Variants in TRAPPC8 observed in about 807,000 individuals in gnomAD.
TRAPPC8 encodes general sporulation gene 1 homolog.
In TRAPPC8, 54 loss-of-function variants were observed where a neutral mutation model predicts 174.3. The ratio of observed to expected loss-of-function variants is 0.31; its 90% CI spans 0.25 to 0.39. TRAPPC8 has a LOEUF of 0.39. Ranked by LOEUF, TRAPPC8 falls within the 10% of genes least tolerant of loss-of-function variation. The pLI, the probability that TRAPPC8 is intolerant of heterozygous loss-of-function variation, is 1.00. For missense variants in TRAPPC8, 1,531 were observed against 1,699.1 expected, an observed-to-expected ratio of 0.90 and a Z score of 1.74; for synonymous variants, 630 against 579.9, an observed-to-expected ratio of 1.09 and a Z score of -1.24.
At chr18:31,913,060 G>A (rs891801663) in intron 5 of TRAPPC8, among the ~76,000 whole-genome samples, 2 of 151,780 alleles carry the variant, frequency 1.3e-5, no homozygotes, top group African/African-American at 4.8e-5. Flanking sequence ...CCTGAGAGGC[G>A]GAGGTTGCAG....
At chr18:31,834,799 C>T (rs534894295) in intron 27 of TRAPPC8, among the ~76,000 whole-genome samples, 39 of 152,298 alleles carry the variant, frequency 2.6e-4, no homozygotes, top group African/African-American at 9.4e-4. Flanking sequence ...CATACCTCTA[C>T]TGCTCTGTGT....
intron 2 of TRAPPC8, among the ~76,000 whole-genome samples, chr18:31,928,652 C>G (rs1311476824): frequency 6.6e-6 from 1 of 152,166 alleles, no homozygotes; most frequent in Non-Finnish European, 1.5e-5. Flanking sequence ...TGCCACAGCT[C>G]TATTACAATG....
intron 16 of TRAPPC8, among the ~76,000 whole-genome samples, chr18:31,868,964 A>G (rs1019984735): frequency 1.3e-5 from 2 of 151,662 alleles, no homozygotes; most frequent in Admixed American, 6.6e-5. Flanking sequence ...AAAACACTTG[A>G]GCACCAAAAT....
chr18:31,936,426 C>T (rs990964484), intron 1 of TRAPPC8, among the ~76,000 whole-genome samples: 5 of 152,062 alleles, frequency 3.3e-5, no homozygotes. Flanking sequence ...ATCATGCCCC[C>T]TGTATCCAGC....
Position 31,852,439 on chromosome 18 carries a change from T to C in TRAPPC8, c.3561+7A>G, listed in dbSNP as rs2033761222. The C allele has an allele frequency of 6.2e-7, 1 of 1,613,804 alleles. No individual in the cohort carries two copies. Among genetic ancestry groups the C allele is most frequent in the African/African-American group, 1.3e-5 (1 of 74,922 alleles). On this transcript the variant is annotated splice_region_variant and intron_variant, in intron 24 of 28. Transcript: ENST00000283351. Reference sequence around the variant, plus strand: ...AACATCAAACACTACTATGCTTACTTGCATACCTGTTCATTTCCAAAGATG... The same window carrying C: ...AACATCAAACACTACTATGCTTACTCGCATACCTGTTCATTTCCAAAGATG...
chr18:31,833,830 C>A (rs913184722), intron 27 of TRAPPC8, among the ~76,000 whole-genome samples: 1 of 151,654 alleles, frequency 6.6e-6, no homozygotes, highest in South Asian at 2.1e-4. Context: ...GGTGAAACCC[C>A]GTCTTTACTA....
intron 12 of TRAPPC8, among the ~76,000 whole-genome samples, chr18:31,877,436 C>T (rs1427370860): frequency 6.6e-6 from 1 of 151,488 alleles, no homozygotes; most frequent in Non-Finnish European, 1.5e-5. Flanking sequence ...CACGGTGAAA[C>T]CCCGTCTCTA....
At chr18:31,902,273 C>A (rs1038707620) in intron 9 of TRAPPC8, among the ~76,000 whole-genome samples, 2 of 152,166 alleles carry the variant, frequency 1.3e-5, no homozygotes, top group African/African-American at 4.8e-5. Context: ...GGGGGTTGCA[C>A]TGAGCCGAGA....
chr18:31,917,741 C>G (rs2037209887), intron 2 of TRAPPC8, 74 bp from the exon 3 acceptor site: 8 of 1,372,292 alleles, frequency 5.8e-6, no homozygotes, highest in Non-Finnish European at 7.1e-6. Flanking sequence ...ATTTCAAGTC[C>G]ATATTCCTAA....
intron 14 of TRAPPC8, among the ~76,000 whole-genome samples, chr18:31,872,981 GAAGT>G (rs956149532): frequency 1.2e-4 from 17 of 138,702 alleles, no homozygotes; most frequent in African/African-American, 4.2e-4. Context: ...CAGGACAAAA[GAAGT>G]AATAGAGAGC....
chr18:31,914,685 C>T (rs1270115763), intron 4 of TRAPPC8, among the ~76,000 whole-genome samples: 20 of 152,134 alleles, frequency 1.3e-4, no homozygotes, highest in Admixed American at 1.3e-3. Context: ...AACTACATTT[C>T]CTCAGTGGCA....
Position 31,856,999 on chromosome 18 carries a change from G to A in TRAPPC8, c.3188+541C>T, listed in dbSNP as rs1331247007. ...AGGTATCAAAAGAAAATATTCTGTTGAACAAAATATAGGTCATAGATCCTG... is the reference window on the plus strand; with the variant it reads ...AGGTATCAAAAGAAAATATTCTGTTAAACAAAATATAGGTCATAGATCCTG... On this transcript the variant is annotated intron_variant, in intron 20 of 28. Coordinates refer to ENST00000283351, the MANE Select transcript of TRAPPC8 (RefSeq NM_014939.5). Among the ~76,000 whole-genome samples the A allele has an allele frequency of 4.6e-5, 7 of 151,690 alleles. No homozygotes were observed. The East Asian group carries it at 1.4e-3, about 29-fold the overall frequency.
At chr18:31,918,483 G>A (rs1019498286) in intron 2 of TRAPPC8, among the ~76,000 whole-genome samples, 1 of 152,076 alleles carries the variant, frequency 6.6e-6, no homozygotes, top group African/African-American at 2.4e-5. Flanking sequence ...GATATTTTTC[G>A]TTATCAGTTC....
intron 12 of TRAPPC8, among the ~76,000 whole-genome samples, chr18:31,888,095 C>T (rs1220368830): frequency 1.3e-5 from 2 of 152,032 alleles, no homozygotes; most frequent in African/African-American, 4.8e-5. Context: ...AGGCAAAGAA[C>T]ATGAACAGAC....
intron 11 of TRAPPC8, among the ~76,000 whole-genome samples, chr18:31,894,551 C>A (rs552071083): frequency 6.6e-6 from 1 of 150,754 alleles, no homozygotes; most frequent in South Asian, 2.1e-4. Context: ...ATAATTTTAA[C>A]AAAAGATAAA....
At position 31,932,720 on chromosome 18, in the gene TRAPPC8, G is replaced by A. The variant is rs556398795; in HGVS notation, c.158-1197C>T. On this transcript the variant is annotated intron_variant, in intron 1 of 28. Transcript: ENST00000283351. ...TACAGGGCTGGGCACAGTGGCTCAC[G>A]CCTGTAATCCCAGCACTTTAGTAGG... Among the ~76,000 whole-genome samples, 17 of 151,454 alleles carry A rather than the reference G, an allele frequency of 1.1e-4. No homozygotes were observed. In the South Asian group the frequency reaches 2.7e-3, roughly 24 times the overall value.
intron 4 of TRAPPC8, among the ~76,000 whole-genome samples, 174 bp downstream of exon 4, chr18:31,916,098 A>G (rs901247816): frequency 2.0e-5 from 3 of 151,802 alleles, no homozygotes; most frequent in African/African-American, 7.3e-5. Flanking sequence ...AAATAACTTG[A>G]CTGTTGAATA....
At chr18:31,924,311 G>A (rs2037517674) in intron 2 of TRAPPC8, among the ~76,000 whole-genome samples, 1 of 149,374 alleles carries the variant, frequency 6.7e-6, no homozygotes, top group Non-Finnish European at 1.5e-5. Context: ...AAAATTAGTT[G>A]GGCGTCGTGG....
At position 31,920,945 on chromosome 18, in the gene TRAPPC8, CAAAAAAAAAA is replaced by C. The variant is rs71177808; in HGVS notation, c.353-3288_353-3279del. Among the ~76,000 whole-genome samples, 6 of 76,900 alleles carry C rather than the reference CAAAAAAAAAA, an allele frequency of 7.8e-5. 1 individual carries two copies. Among genetic ancestry groups the C allele is most frequent in the Non-Finnish European group, 2.6e-5 (1 of 38,682 alleles). 50.4% of individuals were successfully genotyped at this position (76,900 alleles called of 152,430 possible). A position where few individuals can be genotyped will look rare whatever the true frequency, so the allele number is the denominator to read the frequency against. On this transcript the variant is annotated intron_variant, in intron 2 of 28. Transcript: ENST00000283351. Reference sequence around the variant, plus strand: ...AACGTGTTAGAGCGACACTCCGTCTCAAAAAAAAAAAAAAAAAAAAAAATTAGCTGGGCAT... The same window carrying C: ...AACGTGTTAGAGCGACACTCCGTCTCAAAAAAAAAAAAATTAGCTGGGCAT...
Sources: gnomAD v4.1 joint callset for allele counts (sites outside exome capture counted in the v4.1 genomes callset) on GRCh38, gnomAD v4.1.1 for gene constraint, MANE v1.5 for transcripts, NCBI Gene and HGNC (gene_info 2026-07-23, HGNC 2026-07-21) for gene names.